SEMA3A: variants seen among roughly 807,000 people sequenced by gnomAD.
The protein encoded by SEMA3A is semaphorin 3A.
In SEMA3A, 29 loss-of-function variants were observed where a neutral mutation model predicts 97.9. The observed-to-expected ratio is 0.30, with a 90% CI of 0.22 to 0.40. The LOEUF (loss-of-function observed/expected upper bound fraction) is 0.40, where lower values mean the gene tolerates loss of function less well. Among genes scored for constraint, SEMA3A ranks in the 10% least tolerant of loss-of-function variants. The pLI is 1.00. For synonymous variants in SEMA3A, 321 were observed against 323.7 expected (o/e 0.99, Z 0.09); for missense variants, 763 against 951.3 (o/e 0.80, Z 2.60).
intron 3 of SEMA3A, among the ~76,000 whole-genome samples, chr7:84,258,087 CT>C (rs1183240922): frequency 6.6e-6 from 1 of 152,172 alleles, no homozygotes; most frequent in Non-Finnish European, 1.5e-5. Context: ...AAGACTCGTT[CT>C]CCCCTTTCTT....
chr7:84,121,239 C>A (rs953250982), intron 3 of SEMA3A, among the ~76,000 whole-genome samples: 3 of 152,130 alleles, frequency 2.0e-5, no homozygotes, highest in Non-Finnish European at 2.9e-5. Flanking sequence ...ACTTTAAGTT[C>A]GAGGGTATAT....
intron 3 of SEMA3A, among the ~76,000 whole-genome samples, chr7:84,261,134 G>A (rs1799848277): frequency 6.6e-6 from 1 of 152,176 alleles, no homozygotes. Context: ...GCTGTGGAAA[G>A]GAGCTACCCA....
intron 2 of SEMA3A, among the ~76,000 whole-genome samples, chr7:84,332,469 G>A (rs1448548272): frequency 6.6e-6 from 1 of 152,146 alleles, no homozygotes; most frequent in African/African-American, 2.4e-5. Flanking sequence ...GGCAAGACAA[G>A]TTAACATCTG....
In SEMA3A at chr7:84,323,029, C is replaced by T. The variant is rs556568248; in HGVS notation, c.-168-15737G>A. 2.0e-5 allele frequency among the ~76,000 whole-genome samples: 3 copies of T among 152,142 alleles called. No individual in the cohort carries two copies. In the South Asian group the frequency reaches 6.2e-4, roughly 32 times the overall value. On this transcript the variant is annotated intron_variant, in intron 2 of 3. Transcript: ENST00000424555. ...CACAACTGTGGCCTTCATTTTTTAA[C>T]CTGTAAAGTGAGGAAAATAATAGTA...
chr7:84,297,043 T>A (rs1265523283), intron 3 of SEMA3A, among the ~76,000 whole-genome samples: 1 of 152,178 alleles, frequency 6.6e-6, no homozygotes, highest in Non-Finnish European at 1.5e-5. Context: ...AATGGCACAA[T>A]CTCAGCTCAC....
At chr7:84,320,342 A>C (rs1297958036) in intron 2 of SEMA3A, among the ~76,000 whole-genome samples, 1 of 152,032 alleles carries the variant, frequency 6.6e-6, no homozygotes, top group Admixed American at 6.6e-5. Flanking sequence ...CTCTGTTAGG[A>C]TATAGTTAAA....
intron 4 of SEMA3A, among the ~76,000 whole-genome samples, chr7:84,077,460 T>A (rs560540256): frequency 1.2e-4 from 18 of 152,172 alleles, no homozygotes; most frequent in African/African-American, 3.8e-4. Context: ...AAGGAGCATA[T>A]GTCCTGTAAA....
At chr7:84,217,655 A>G (rs1387539160) in intron 3 of SEMA3A, among the ~76,000 whole-genome samples, 2 of 152,106 alleles carry the variant, frequency 1.3e-5, no homozygotes, top group African/African-American at 4.8e-5. Context: ...ACTTTAAAGT[A>G]TCTTTCTCAG....
chr7:84,446,871 G>C (rs1327855646), intron 1 of SEMA3A, among the ~76,000 whole-genome samples: 1 of 152,118 alleles, frequency 6.6e-6, no homozygotes, highest in Non-Finnish European at 1.5e-5. Flanking sequence ...GCGGAGGTCA[G>C]GAACAGGTGG....
At chr7:84,034,276 G>A (rs1791866383) in intron 6 of SEMA3A, among the ~76,000 whole-genome samples, 2 of 152,116 alleles carry the variant, frequency 1.3e-5, no homozygotes, top group East Asian at 1.9e-4. Flanking sequence ...GAGCCACTGC[G>A]CCTGGCCTGG....
At chr7:84,238,679 G>C (rs1799290572) in intron 3 of SEMA3A, among the ~76,000 whole-genome samples, 1 of 151,830 alleles carries the variant, frequency 6.6e-6, no homozygotes, top group Admixed American at 6.6e-5. Context: ...TGCACATGTA[G>C]GCATCTCTCT....
chr7:84,302,789 C>T (rs900541531), intron 3 of SEMA3A, among the ~76,000 whole-genome samples: 1 of 152,086 alleles, frequency 6.6e-6, no homozygotes, highest in African/African-American at 2.4e-5. Flanking sequence ...GATCTTACTA[C>T]ATAAGGGAAA....
chr7:84,328,074 A>C (rs1011158590), intron 2 of SEMA3A, among the ~76,000 whole-genome samples: 2 of 152,006 alleles, frequency 1.3e-5, no homozygotes, highest in African/African-American at 4.8e-5. Context: ...TTACCTTTCA[A>C]TAATCAATTT....
chr7:84,049,333 T>A (rs1370943113), intron 5 of SEMA3A, among the ~76,000 whole-genome samples: 1 of 152,094 alleles, frequency 6.6e-6, no homozygotes, highest in Non-Finnish European at 1.5e-5. Flanking sequence ...TTAGTTGCAC[T>A]GGGCCTTAGA....
At position 84,004,336 on chromosome 7, in the gene SEMA3A, C is replaced by A. The variant is rs11975445; in HGVS notation, c.1360+1003G>T. ...AAAATATACCTGAAAAAGTCTGTTT[C>A]TAATTATGGAATTAGTAAAAGTGAA... On this transcript the variant is annotated intron_variant, in intron 11 of 16. Transcript: ENST00000265362. Among the ~76,000 whole-genome samples the A allele has an allele frequency of 5.6e-3, 847 of 152,128 alleles. 12 individuals are homozygous for A. Among genetic ancestry groups the A allele is most frequent in the African/African-American group, 0.02 (810 of 41,520 alleles).
chr7:84,350,272 C>T (rs923836869), intron 2 of SEMA3A, among the ~76,000 whole-genome samples: 5 of 152,068 alleles, frequency 3.3e-5, no homozygotes, highest in African/African-American at 1.2e-4. Context: ...AACACACTTC[C>T]CAATAACTTC....
intron 3 of SEMA3A, among the ~76,000 whole-genome samples, chr7:84,236,430 T>C (rs757676421): frequency 6.6e-6 from 1 of 152,142 alleles, no homozygotes. Context: ...CAGTCATCAG[T>C]ATTAATTCGC....
At chr7:84,253,953 T>A (rs1188166137) in intron 3 of SEMA3A, among the ~76,000 whole-genome samples, 1 of 152,200 alleles carries the variant, frequency 6.6e-6, no homozygotes, top group South Asian at 2.1e-4. Flanking sequence ...ATGCAAGAGC[T>A]TGATTAACTT....
chr7:84,092,230 A>T (rs1794626333), intron 4 of SEMA3A, among the ~76,000 whole-genome samples: 2 of 152,116 alleles, frequency 1.3e-5, no homozygotes. Flanking sequence ...ATACAAAGCA[A>T]TTTTTTTACC....
Sources: gnomAD v4.1 joint callset for allele counts (sites outside exome capture counted in the v4.1 genomes callset) on GRCh38, gnomAD v4.1.1 for gene constraint, MANE v1.5 for transcripts, NCBI Gene and HGNC (gene_info 2026-07-23, HGNC 2026-07-21) for gene names.